The following SH3BP2 variants were observed in gnomAD, a reference collection of about 807,000 sequenced individuals.
SH3BP2 encodes SH3 domain-binding protein 2.
A neutral mutation model predicts 56.2 loss-of-function variants in SH3BP2; 38 were observed. That is an observed-to-expected ratio of 0.68 (90% CI 0.52 to 0.89). SH3BP2 has a LOEUF of 0.89. SH3BP2 is among the 40% of genes least tolerant of loss of function. The probability of loss-of-function intolerance (pLI) is 0.00; values close to 1 mark genes in which losing one functional copy is unlikely to be tolerated. For synonymous variants in SH3BP2, 346 were observed against 316.7 expected, an observed-to-expected ratio of 1.09 and a Z score of -0.98; for missense variants, 748 against 762.6, an observed-to-expected ratio of 0.98 and a Z score of 0.23.
chr4:2,813,737 A>G (rs146967043), intron 1 of SH3BP2, among the ~76,000 whole-genome samples: 481 of 152,296 alleles, frequency 3.2e-3, no homozygotes, highest in African/African-American at 0.01. Flanking sequence ...CAGTATACAT[A>G]TGGGTGTGAG....
intron 1 of SH3BP2, among the ~76,000 whole-genome samples, chr4:2,806,253 C>T (rs943522754): frequency 6.6e-6 from 1 of 152,136 alleles, no homozygotes; most frequent in Non-Finnish European, 1.5e-5. Context: ...CGGGACCCTG[C>T]GGGGCTGGGG....
At chr4:2,796,166 G>C (rs374509614) in intron 1 of SH3BP2, among the ~76,000 whole-genome samples, 71 of 152,320 alleles carry the variant, frequency 4.7e-4, no homozygotes, top group African/African-American at 1.2e-3. Flanking sequence ...AAAACGGGAT[G>C]ACAGAAGTCC....
intron 7 of SH3BP2, among the ~76,000 whole-genome samples, chr4:2,828,418 G>A (rs1007757320): frequency 6.6e-6 from 1 of 151,750 alleles, no homozygotes; most frequent in Non-Finnish European, 1.5e-5. Flanking sequence ...CCCGGGTCCA[G>A]CCCCTCTTCT....
At chr4:2,803,329 C>T (rs1254480972) in intron 1 of SH3BP2, among the ~76,000 whole-genome samples, 2 of 152,106 alleles carry the variant, frequency 1.3e-5, no homozygotes, top group Non-Finnish European at 2.9e-5. Context: ...GCCTCGGCAT[C>T]TCCACTCTGT....
chr4:2,829,995 T>C lies in SH3BP2; in HGVS notation c.1089T>C (p.Ala363=), dbSNP rs138192611. 248 of 1,613,106 alleles carry C rather than the reference T, an allele frequency of 1.5e-4. 1 individual carries two copies. The African/African-American group carries it at 3.1e-3, about 20-fold the overall frequency. The change falls in exon 8 of 13, where the codon GCT becomes GCC. Residue 363 remains alanine, a synonymous_variant. Coordinates refer to ENST00000503393, the MANE Select transcript of SH3BP2 (RefSeq NM_001122681.2). This position sits in a 1 kb window ranked among gnomAD's most constrained non-coding sequence, Gnocchi z 4.9. ...PANKPKFLKI[A]EEDPPREAAM... Reference sequence around the variant, plus strand: ...ACAAGCCCAAGTTCCTGAAGATAGCTGAAGAGGACCCCCCAAGGGAGGCAG... The same window carrying C: ...ACAAGCCCAAGTTCCTGAAGATAGCCGAAGAGGACCCCCCAAGGGAGGCAG...
intron 1 of SH3BP2, among the ~76,000 whole-genome samples, chr4:2,804,269 A>C (rs564908389): frequency 3.9e-5 from 6 of 152,276 alleles, no homozygotes; most frequent in African/African-American, 1.4e-4. Flanking sequence ...CTCAGCACTA[A>C]GTCCTGGGTC....
intron 1 of SH3BP2, among the ~76,000 whole-genome samples, chr4:2,808,183 G>A (rs887371070): frequency 6.6e-6 from 1 of 152,190 alleles, no homozygotes; most frequent in African/African-American, 2.4e-5. Context: ...GGTGGCTCTG[G>A]GGAAGCCCCT....
intron 1 of SH3BP2, among the ~76,000 whole-genome samples, chr4:2,804,184 T>C (rs1349738527): frequency 6.6e-6 from 1 of 152,160 alleles, no homozygotes; most frequent in African/African-American, 2.4e-5. Flanking sequence ...GGGGGTCTCC[T>C]TCTGTCCCGG....
At chr4:2,827,733 C>T (rs897013801) in intron 7 of SH3BP2, 59 bp downstream of exon 7, 43 of 1,415,212 alleles carry the variant, frequency 3.0e-5, no homozygotes, top group East Asian at 7.4e-5. Context: ...GGGCTGGGAC[C>T]GGGAGCAGAG....
At chr4:2,825,275 C>A in intron 5 of SH3BP2, 79 bp downstream of exon 5, 1 of 1,203,592 alleles carries the variant, frequency 8.3e-7, no homozygotes, top group South Asian at 1.3e-5. Flanking sequence ...CGCCTCCCAG[C>A]CCCGGGCTTG....
In SH3BP2 at chr4:2,818,834, A is replaced by C. The variant is rs568447008; in HGVS notation, c.-4-1780A>C. On this transcript the variant is annotated intron_variant, in intron 1 of 12. Coordinates refer to ENST00000503393, the MANE Select transcript of SH3BP2 (RefSeq NM_001122681.2). ...GGGTCCAGCCGGGTGACCCAGGCCG[A>C]GGCCGGCAGAAGACAGCCTGATGCC... is the stretch of plus-strand genomic sequence containing the variant. The C allele has an allele frequency of 1.2e-3, 1,142 of 986,262 alleles. No homozygotes were observed. Among genetic ancestry groups the C allele is most frequent in the Middle Eastern group, 6.7e-3 (13 of 1,926 alleles). 61.1% of individuals were successfully genotyped at this position (986,262 alleles called of 1,614,324 possible).
chr4:2,814,478 G>A (rs961537036), intron 1 of SH3BP2, among the ~76,000 whole-genome samples: 4 of 151,598 alleles, frequency 2.6e-5, no homozygotes, highest in African/African-American at 7.3e-5. Context: ...CAGGTGCCCC[G>A]TCTTCCCTAA....
intron 1 of SH3BP2, among the ~76,000 whole-genome samples, chr4:2,801,834 G>A (rs191755100): frequency 2.0e-5 from 3 of 152,362 alleles, no homozygotes; most frequent in East Asian, 3.9e-4. Context: ...TTAGCCAGGC[G>A]TGGTGGCTCA....
At chr4:2,805,475 G>A (rs940825157) in intron 1 of SH3BP2, among the ~76,000 whole-genome samples, 4 of 152,178 alleles carry the variant, frequency 2.6e-5, no homozygotes, top group Admixed American at 1.3e-4. Flanking sequence ...TAGGCCCCAC[G>A]GAGAGTAGGG....
intron 1 of SH3BP2, chr4:2,798,991 A>G (rs1723151620): frequency 1.0e-6 from 1 of 985,616 alleles, no homozygotes. Context: ...CAGGAGCTGC[A>G]CGCAGCACGG....
In SH3BP2 at chr4:2,804,654, A is replaced by G. The variant is rs1175592614; in HGVS notation, c.-5+11516A>G. On this transcript the variant is annotated intron_variant, in intron 1 of 12. Coordinates refer to ENST00000503393, the MANE Select transcript of SH3BP2 (RefSeq NM_001122681.2). ...GAGCCCTGCCCCCTCCACAGAGGCC[A>G]GGGCCCACCCCCACTGTCCTTAAGG... Among the ~76,000 whole-genome samples the G allele has an allele frequency of 3.9e-5, 6 of 152,258 alleles. 1 individual carries two copies. In the East Asian group the frequency reaches 9.6e-4, roughly 24 times the overall value.
chr4:2,826,951 G>C (rs1450528592), intron 5 of SH3BP2: 1 of 620,808 alleles, frequency 1.6e-6, no homozygotes, highest in East Asian at 3.4e-5. Context: ...GTGTGCTTGT[G>C]TGTGCACGTG....
At chr4:2,805,549 T>G (rs1399504479) in intron 1 of SH3BP2, among the ~76,000 whole-genome samples, 4 of 152,176 alleles carry the variant, frequency 2.6e-5, no homozygotes, top group African/African-American at 9.6e-5. Context: ...GGTGCCAGTG[T>G]CACACTGGGC....
rs1192457972 is a variant in SH3BP2, at chr4:2,827,586, AC to A, written c.518-14del. ...GGCCTGGGCCGGTTTGGCTCTCACC[AC>A]CCCCCTCTCCCCATGCAGACTATGA... On this transcript the variant is annotated intron_variant, in intron 6 of 12. Transcript: ENST00000503393. The A allele has an allele frequency of 5.7e-6, 9 of 1,566,984 alleles. No individual in the cohort carries two copies. The highest frequency in any genetic ancestry group is 2.7e-5 in the African/African-American group (2 of 73,226).
Sources: gnomAD v4.1 joint callset for allele counts (sites outside exome capture counted in the v4.1 genomes callset) on GRCh38, gnomAD v4.1.1 for gene constraint, Gnocchi (gnomAD v3.1) non-coding constraint, MANE v1.5 for transcripts, NCBI Gene and HGNC (gene_info 2026-07-23, HGNC 2026-07-21) for gene names.